ZNF25: variants seen among roughly 807,000 people sequenced by gnomAD.
The protein encoded by ZNF25 is zinc finger protein 25 (KOX 19).
A neutral mutation model predicts 30.9 loss-of-function variants in ZNF25; 21 were observed. That is an observed-to-expected ratio of 0.68 (90% CI 0.48 to 0.98). ZNF25 has a LOEUF of 0.98. Among genes scored for constraint, ZNF25 ranks in the 50% least tolerant of loss-of-function variants. The pLI, the probability that ZNF25 is intolerant of heterozygous loss-of-function variation, is 0.00. For synonymous variants in ZNF25, 169 were observed against 181.3 expected (o/e 0.93, Z 0.55); for missense variants, 501 against 529.9 (o/e 0.95, Z 0.54).
At chr10:37,971,384 T>C (rs1446200713) in intron 2 of ZNF25, among the ~76,000 whole-genome samples, 1 of 151,936 alleles carries the variant, frequency 6.6e-6, no homozygotes, top group African/African-American at 2.4e-5. Flanking sequence ...AAAAAGGCAG[T>C]AACCTATTTA....
chr10:37,962,790 A>G (rs1364957869), intron 2 of ZNF25, among the ~76,000 whole-genome samples: 1 of 152,238 alleles, frequency 6.6e-6, no homozygotes, highest in African/African-American at 2.4e-5. Context: ...GTCTATATGC[A>G]TAAATTTTAC....
rs2062078889 is a variant in ZNF25 at position 37,950,335 on chromosome 10, A to C, written c.*1792T>G. ...ATATCATATAATTTTCATGTGTCACAATATTCTTTGATTCTTTCAACCATT... is the reference window on the plus strand; with the variant it reads ...ATATCATATAATTTTCATGTGTCACCATATTCTTTGATTCTTTCAACCATT... On this transcript the variant is annotated 3_prime_UTR_variant, in exon 6 of 6. Coordinates refer to ENST00000302609, the MANE Select transcript of ZNF25 (RefSeq NM_145011.4). The C allele has an allele frequency of 6.6e-6, 1 of 152,452 alleles. No individual in the cohort carries two copies. The highest frequency in any genetic ancestry group is 2.1e-4 in the South Asian group (1 of 4,832). The allele number at this position is 152,452 out of a possible 1,614,324, so 9.4% of individuals were successfully genotyped here.
chr10:37,976,155 A>C (rs1488668115), intron 1 of ZNF25, among the ~76,000 whole-genome samples: 3 of 152,220 alleles, frequency 2.0e-5, no homozygotes, highest in Non-Finnish European at 2.9e-5. Context: ...ATGCGCGTCG[A>C]GCCGCACTGG....
In ZNF25 at chr10:37,951,365, A is replaced by G. The variant is rs1278509943; in HGVS notation, c.*762T>C. The G allele has an allele frequency of 6.6e-6, 1 of 152,510 alleles. No homozygotes were observed. Among genetic ancestry groups the G allele is most frequent in the Non-Finnish European group, 1.5e-5 (1 of 68,032 alleles). The allele number at this position is 152,510 out of a possible 1,614,324, so 9.4% of individuals were successfully genotyped here. A position where few individuals can be genotyped will look rare whatever the true frequency, so the allele number is the denominator to read the frequency against. On this transcript the variant is annotated 3_prime_UTR_variant, in exon 6 of 6. Transcript: ENST00000302609. ...AAGTTACATGTTATAGCACACTCAC[A>G]TACGCACAAAATCCTATATGCTAAC... is the stretch of plus-strand genomic sequence containing the variant.
At chr10:37,960,031 C>T (rs1041933312) in intron 2 of ZNF25, among the ~76,000 whole-genome samples, 5 of 152,128 alleles carry the variant, frequency 3.3e-5, no homozygotes, top group Non-Finnish European at 5.9e-5. Flanking sequence ...TCTCCTGGCT[C>T]AGCCTCCCGA....
At chr10:37,971,966 A>G (rs559796560) in intron 1 of ZNF25, among the ~76,000 whole-genome samples, 159 bp from the exon 2 acceptor site, 1 of 151,924 alleles carries the variant, frequency 6.6e-6, no homozygotes, top group East Asian at 1.9e-4. Context: ...GACATTTTTT[A>G]GTGAATCTAC....
intron 2 of ZNF25, among the ~76,000 whole-genome samples, chr10:37,959,611 T>A (rs2062732588): frequency 6.6e-6 from 1 of 152,002 alleles, no homozygotes; most frequent in African/African-American, 2.4e-5. Context: ...GTTCATTTTT[T>A]TTTTCTTTTT....
At chr10:37,964,957 G>A (rs1208654) in intron 2 of ZNF25, among the ~76,000 whole-genome samples, 4 of 152,210 alleles carry the variant, frequency 2.6e-5, no homozygotes, top group Admixed American at 6.5e-5. Context: ...AGGCAATGCA[G>A]CTCTGTGCAG....
rs149632607 is a variant in ZNF25, at chr10:37,975,479, C to T, written c.-86+1027G>A. 5.4e-3 allele frequency among the ~76,000 whole-genome samples: 820 copies of T among 151,938 alleles called. 3 individuals are homozygous for T. Among genetic ancestry groups the T allele is most frequent in the Non-Finnish European group, 7.2e-3 (490 of 67,996 alleles). ...AGCTCAGTTATCAGCCAATGAGAGGCATTATAAGATCACCACCATAAAATG... is the reference window on the plus strand; with the variant it reads ...AGCTCAGTTATCAGCCAATGAGAGGTATTATAAGATCACCACCATAAAATG... On this transcript the variant is annotated intron_variant, in intron 1 of 5. Transcript: ENST00000302609.
intron 4 of ZNF25, 77 bp from the exon 5 acceptor site, chr10:37,953,835 A>G: frequency 3.0e-6 from 4 of 1,340,186 alleles, no homozygotes; most frequent in Non-Finnish European, 4.2e-6. Context: ...CTTAGGCTTC[A>G]GGCCAATTTC....
Position 37,950,909 on chromosome 10 carries a change from T to A in ZNF25, c.*1218A>T, listed in dbSNP as rs1486024190. On this transcript the variant is annotated 3_prime_UTR_variant, in exon 6 of 6. Coordinates refer to ENST00000302609, the MANE Select transcript of ZNF25 (RefSeq NM_145011.4). Reference sequence around the variant, plus strand: ...TAAATACAAATGCAGATAGCTCTGCTCCCTGCTCACACATCAACAGTAAGA... The same window carrying A: ...TAAATACAAATGCAGATAGCTCTGCACCCTGCTCACACATCAACAGTAAGA... 6.6e-6 allele frequency: 1 copy of A among 152,174 alleles called. No homozygotes were observed. Among genetic ancestry groups the A allele is most frequent in the Non-Finnish European group, 1.5e-5 (1 of 68,034 alleles). 9.4% of individuals were successfully genotyped at this position (152,174 alleles called of 1,614,324 possible).
At chr10:37,968,213 A>C (rs2063294375) in intron 2 of ZNF25, among the ~76,000 whole-genome samples, 1 of 151,794 alleles carries the variant, frequency 6.6e-6, no homozygotes, top group African/African-American at 2.4e-5. Context: ...ACATGCCATC[A>C]TGCCTAACTG....
rs1446674223 is a variant in ZNF25, at chr10:37,951,176, A to G, written c.*951T>C. 1 of 152,218 alleles carries G rather than the reference A, an allele frequency of 6.6e-6. No individual in the cohort carries two copies. The highest frequency in any genetic ancestry group is 1.5e-5 in the Non-Finnish European group (1 of 68,028). The allele number at this position is 152,218 out of a possible 1,614,324, so 9.4% of individuals were successfully genotyped here. ...AAAAAGGATAAAAAGATGCCTTATA[A>G]TTTAAAAGGAATATTACACTTACAA... On this transcript the variant is annotated 3_prime_UTR_variant, in exon 6 of 6. Coordinates refer to ENST00000302609, the MANE Select transcript of ZNF25 (RefSeq NM_145011.4).
chr10:37,969,550 A>G (rs759658803), intron 2 of ZNF25, among the ~76,000 whole-genome samples: 7 of 152,240 alleles, frequency 4.6e-5, no homozygotes, highest in African/African-American at 7.2e-5. Context: ...TACACGAAAT[A>G]TCTAGACTAG....
intron 1 of ZNF25, among the ~76,000 whole-genome samples, 179 bp from the exon 2 acceptor site, chr10:37,971,986 T>C (rs1454107235): frequency 1.3e-5 from 2 of 152,226 alleles, no homozygotes; most frequent in Non-Finnish European, 2.9e-5. Flanking sequence ...CACATTTCTT[T>C]CCTATTGGTT....
At chr10:37,971,863 C>A in intron 1 of ZNF25, 56 bp from the exon 2 acceptor site, 2 of 1,158,084 alleles carry the variant, frequency 1.7e-6, no homozygotes, top group Middle Eastern at 2.0e-4. Context: ...GAGAAAATGT[C>A]CCTTTGACCC....
chr10:37,968,099 C>T (rs2135419002), intron 2 of ZNF25, among the ~76,000 whole-genome samples: 1 of 152,310 alleles, frequency 6.6e-6, no homozygotes, highest in South Asian at 2.1e-4. Context: ...CCTCTGTTGC[C>T]CAGGCTGGAG....
rs1295389644 is a variant in ZNF25, at chr10:37,951,297, T to C, written c.*830A>G. On this transcript the variant is annotated 3_prime_UTR_variant, in exon 6 of 6. Transcript: ENST00000302609. ...GAACTAAGATTATATTATTTCGCTA[T>C]GTACCATTATGGATGGATTCCACAT... The C allele has an allele frequency of 6.6e-6, 1 of 152,478 alleles. No individual in the cohort carries two copies. Among genetic ancestry groups the C allele is most frequent in the African/African-American group, 2.4e-5 (1 of 41,460 alleles). 9.4% of individuals were successfully genotyped at this position (152,478 alleles called of 1,614,324 possible).
At chr10:37,967,164 C>T (rs550130112) in intron 2 of ZNF25, among the ~76,000 whole-genome samples, 2 of 152,272 alleles carry the variant, frequency 1.3e-5, no homozygotes, top group African/African-American at 4.8e-5. Flanking sequence ...CCCTATCAAA[C>T]TCCCAATGGC....
Sources: allele counts gnomAD v4.1 joint callset (sites outside exome capture counted in the v4.1 genomes callset), GRCh38; gene constraint gnomAD v4.1.1; transcripts MANE v1.5; gene names NCBI Gene and HGNC (gene_info 2026-07-23, HGNC 2026-07-21).